MORC1: variants seen among roughly 807,000 people sequenced by gnomAD.
MORC1 encodes MORC family CW-type zinc finger 1, also known as MORC family CW-type zinc finger protein 1.
Under a neutral mutation model 134.9 loss-of-function variants are expected in MORC1, and 59 were observed. That is an observed-to-expected ratio of 0.44 (90% CI 0.35 to 0.54). The LOEUF (loss-of-function observed/expected upper bound fraction) is 0.54, where lower values mean the gene tolerates loss of function less well. Ranked by LOEUF, MORC1 falls within the 20% of genes least tolerant of loss-of-function variation. MORC1 has a pLI of 0.00. For synonymous variants in MORC1, 395 were observed against 391.7 expected, an observed-to-expected ratio of 1.01 and a Z score of -0.10; for missense variants, 947 against 1,134.5, an observed-to-expected ratio of 0.83 and a Z score of 2.37.
At chr3:108,984,607 T>C (rs921829693) in intron 23 of MORC1, 109 bp downstream of exon 23, 1 of 830,244 alleles carries the variant, frequency 1.2e-6, no homozygotes, top group African/African-American at 1.8e-5. Flanking sequence ...CCATTCTTGA[T>C]TGCTTTTGTT....
chr3:109,060,826 C>G (rs1950062874), intron 11 of MORC1, among the ~76,000 whole-genome samples: 1 of 152,048 alleles, frequency 6.6e-6, no homozygotes, highest in Admixed American at 6.6e-5. Context: ...GAAGAAACAG[C>G]AGAAGGCAAA....
chr3:109,040,387 A>AG lies in MORC1; in HGVS notation c.1331-4920_1331-4919insC, dbSNP rs1202574626. Among the ~76,000 whole-genome samples, 52 of 90,770 alleles carry AG rather than the reference A, an allele frequency of 5.7e-4. 1 individual carries two copies. The highest frequency in any genetic ancestry group is 2.9e-3 in the Admixed American group (24 of 8,372). 59.5% of individuals were successfully genotyped at this position (90,770 alleles called of 152,430 possible). ...GAAAGAAAGAAAGAAAGAAAGAAAG[A>AG]AAGAAAGAAAGAAAGAGAAGGAAGG... On this transcript the variant is annotated intron_variant, in intron 14 of 27. Transcript: ENST00000232603.
intron 14 of MORC1, among the ~76,000 whole-genome samples, chr3:109,040,829 C>A (rs1215037954): frequency 4.3e-3 from 470 of 108,522 alleles, no homozygotes; most frequent in African/African-American, 0.015. Flanking sequence ...AACTCTGTGT[C>A]AAAAAAAAAA....
At chr3:108,969,561 T>A (rs562522796) in intron 26 of MORC1, 108 bp downstream of exon 26, 1 of 1,120,674 alleles carries the variant, frequency 8.9e-7, no homozygotes, top group African/African-American at 1.5e-5. Context: ...GATAAGTGAA[T>A]GCAAATTTGA....
At chr3:109,117,849 T>C in intron 1 of MORC1, 146 bp downstream of exon 1, 7 of 716,856 alleles carry the variant, frequency 9.8e-6, no homozygotes. Context: ...CTTTCATCGT[T>C]TTAAAAAAAG....
At chr3:109,107,182 G>T (rs140127812) in intron 3 of MORC1, among the ~76,000 whole-genome samples, 2 of 152,156 alleles carry the variant, frequency 1.3e-5, no homozygotes, top group African/African-American at 4.8e-5. Flanking sequence ...GTTCATATCA[G>T]ACTTCTTTTA....
At position 109,020,562 on chromosome 3, in the gene MORC1, C is replaced by T. The variant is rs781512660; in HGVS notation, c.1704+7189G>A. On this transcript the variant is annotated intron_variant, in intron 17 of 27. Transcript: ENST00000232603. ...CGGGTGGATCACGAGGTCAGGAGATCGAGACCATCCTGGCTAACACGGTGA... is the reference window on the plus strand; with the variant it reads ...CGGGTGGATCACGAGGTCAGGAGATTGAGACCATCCTGGCTAACACGGTGA... 1.8e-3 allele frequency among the ~76,000 whole-genome samples: 267 copies of T among 152,060 alleles called. 2 individuals carry two copies. Among genetic ancestry groups the T allele is most frequent in the Non-Finnish European group, 3.0e-3 (201 of 67,968 alleles).
intron 21 of MORC1, among the ~76,000 whole-genome samples, chr3:108,997,411 C>T (rs1431976138): frequency 1.3e-5 from 2 of 152,124 alleles, no homozygotes; most frequent in Non-Finnish European, 2.9e-5. Context: ...GCATGTAATT[C>T]CAGCTACTCG....
intron 6 of MORC1, 76 bp from the exon 7 acceptor site, chr3:109,095,144 C>CCACTCT (rs1417323236): frequency 7.4e-7 from 1 of 1,348,424 alleles, no homozygotes; most frequent in Non-Finnish European, 1.0e-6. Context: ...CTATTTCATT[C>CCACTCT]CACTCTTCAT....
intron 26 of MORC1, among the ~76,000 whole-genome samples, chr3:108,965,938 GTTT>G (rs1197653274): frequency 1.3e-5 from 2 of 152,100 alleles, no homozygotes; most frequent in Non-Finnish European, 2.9e-5. Flanking sequence ...AGTAAACTAC[GTTT>G]TTATCAAATT....
intron 17 of MORC1, among the ~76,000 whole-genome samples, chr3:109,008,293 CA>C (rs1948597283): frequency 6.6e-6 from 1 of 152,066 alleles, no homozygotes; most frequent in Non-Finnish European, 1.5e-5. Context: ...ATTTCTGGGT[CA>C]ACAGGTACAT....
intron 11 of MORC1, among the ~76,000 whole-genome samples, chr3:109,061,389 T>C (rs1950079872): frequency 6.6e-6 from 1 of 152,228 alleles, no homozygotes; most frequent in South Asian, 2.1e-4. Context: ...TAATTAATAA[T>C]AGTTCTTTTT....
rs370029015 is a variant in MORC1, at chr3:108,971,803, G to GAGGAAGGA, written c.2478-409_2478-402dup. On this transcript the variant is annotated intron_variant, in intron 24 of 27. Transcript: ENST00000232603. ...TCTCAAAATAAAAAGGTTACTGAAAGAGGAAGGAAGGAAGGAAGGAAGGAA... is the reference window on the plus strand; with the variant it reads ...TCTCAAAATAAAAAGGTTACTGAAAGAGGAAGGAAGGAAGGAAGGAAGGAAGGAAGGAA... 7.0e-5 allele frequency among the ~76,000 whole-genome samples: 10 copies of GAGGAAGGA among 142,428 alleles called. No homozygotes were observed. The East Asian group carries it at 9.1e-4, about 13-fold the overall frequency. The allele number at this position is 142,428 out of a possible 152,430, so 93.4% of individuals were successfully genotyped here.
At chr3:109,010,174 A>G (rs932228399) in intron 17 of MORC1, among the ~76,000 whole-genome samples, 1 of 152,122 alleles carries the variant, frequency 6.6e-6, no homozygotes, top group Non-Finnish European at 1.5e-5. Context: ...CTACAAATGT[A>G]AAAGTCATTT....
In MORC1 at chr3:109,015,466, TCA is replaced by T. The variant is rs1948795776; in HGVS notation, c.1705-8377_1705-8376del. On this transcript the variant is annotated intron_variant, in intron 17 of 27. Transcript: ENST00000232603. ...TTCCTCCCACCCATCTGAGTTCTGCTCATCTTCTTTAATTCTATCACATGCTA... is the reference window on the plus strand; with the variant it reads ...TTCCTCCCACCCATCTGAGTTCTGCTTCTTCTTTAATTCTATCACATGCTA... Among the ~76,000 whole-genome samples, 9 of 152,332 alleles carry T rather than the reference TCA, an allele frequency of 5.9e-5. No homozygotes were observed. In the South Asian group the frequency reaches 1.9e-3, roughly 32 times the overall value.
intron 14 of MORC1, among the ~76,000 whole-genome samples, chr3:109,054,244 G>GCA (rs1949901125): frequency 6.7e-6 from 1 of 149,670 alleles, no homozygotes; most frequent in African/African-American, 2.5e-5. Context: ...TTGCATCACT[G>GCA]CACTCCAGCC....
chr3:108,986,287 A>G (rs1056329826), intron 22 of MORC1, among the ~76,000 whole-genome samples: 18 of 152,190 alleles, frequency 1.2e-4, no homozygotes, highest in Non-Finnish European at 2.6e-4. Context: ...CTAAGAAAAT[A>G]AAATATTTTG....
chr3:109,118,079 G>A lies in MORC1; in HGVS notation c.-20C>T, dbSNP rs755742446. ...GTCCATGCCCTCGAACACGACCCGC[G>A]CAACTCAAGGGGACAAGGACACCTG... is the stretch of plus-strand genomic sequence containing the variant. On this transcript the variant is annotated 5_prime_UTR_variant, in exon 1 of 28. Transcript: ENST00000232603. 9.4e-6 allele frequency: 15 copies of A among 1,600,608 alleles called. No individual in the cohort carries two copies. Among genetic ancestry groups the A allele is most frequent in the Admixed American group, 3.4e-5 (2 of 58,682 alleles).
intron 14 of MORC1, among the ~76,000 whole-genome samples, chr3:109,038,796 T>C (rs1319395001): frequency 6.6e-6 from 1 of 152,218 alleles, no homozygotes; most frequent in Non-Finnish European, 1.5e-5. Flanking sequence ...CATTGGTCTA[T>C]ATATCTGTTT....
Sources: gnomAD v4.1 joint callset for allele counts (sites outside exome capture counted in the v4.1 genomes callset) on GRCh38, gnomAD v4.1.1 for gene constraint, MANE v1.5 for transcripts, NCBI Gene and HGNC (gene_info 2026-07-23, HGNC 2026-07-21) for gene names.